Variants in ARL3 observed in about 807,000 individuals in gnomAD.
The protein encoded by ARL3 is ARF like GTPase 3.
ARL3 carries 9 observed loss-of-function variants against 26.0 expected under a neutral mutation model. That is an observed-to-expected ratio of 0.35 (90% CI 0.21 to 0.60). The LOEUF (loss-of-function observed/expected upper bound fraction) is 0.60. ARL3 is among the 20% of genes least tolerant of loss of function. ARL3 has a pLI of 0.78. For synonymous variants in ARL3, 71 were observed against 78.4 expected, an observed-to-expected ratio of 0.91 and a Z score of 0.50; for missense variants, 158 against 215.7, an observed-to-expected ratio of 0.73 and a Z score of 1.67.
intron 5 of ARL3, among the ~76,000 whole-genome samples, chr10:102,680,837 C>A (rs1258631763): frequency 1.3e-5 from 2 of 152,070 alleles, no homozygotes; most frequent in Non-Finnish European, 2.9e-5. Flanking sequence ...CCATCAGGCC[C>A]CCAGGGTCAA....
chr10:102,706,227 G>A (rs536991368), intron 1 of ARL3, among the ~76,000 whole-genome samples: 1 of 152,184 alleles, frequency 6.6e-6, no homozygotes, highest in East Asian at 1.9e-4. Flanking sequence ...CAAGGTGGGC[G>A]GATCACGAGG....
At chr10:102,713,870 G>A (rs529728487) in intron 1 of ARL3, among the ~76,000 whole-genome samples, 1 of 152,382 alleles carries the variant, frequency 6.6e-6, no homozygotes, top group Non-Finnish European at 1.5e-5. Flanking sequence ...CCGGGCTCCA[G>A]ACGAACCCCA....
rs1554864095 is a variant in ARL3, at chr10:102,708,908, AT to A, written c.4-3420del. On this transcript the variant is annotated intron_variant, in intron 1 of 5. Coordinates refer to ENST00000260746, the MANE Select transcript of ARL3 (RefSeq NM_004311.4). ...ATATTATATATATATATATATATAT[AT>A]TTTTTTTTTTTTTGAGACAAGGTCT... is the stretch of plus-strand genomic sequence containing the variant. 3.1e-4 allele frequency among the ~76,000 whole-genome samples: 30 copies of A among 95,324 alleles called. 1 individual carries two copies. The highest frequency in any genetic ancestry group is 1.0e-3 in the African/African-American group (24 of 23,834). The allele number at this position is 95,324 out of a possible 152,430, so 62.5% of individuals were successfully genotyped here. A position where few individuals can be genotyped will look rare whatever the true frequency, so the allele number is the denominator to read the frequency against.
intron 5 of ARL3, among the ~76,000 whole-genome samples, chr10:102,680,396 T>A (rs1001421982): frequency 2.0e-5 from 3 of 152,146 alleles, no homozygotes; most frequent in African/African-American, 7.2e-5. Flanking sequence ...TTGAATTGAT[T>A]AGCTTCAATT....
At position 102,686,466 on chromosome 10, in the gene ARL3, C is replaced by CTT. The variant is rs549382825; in HGVS notation, c.316-467_316-466dup. 3.9e-4 allele frequency among the ~76,000 whole-genome samples: 48 copies of CTT among 124,024 alleles called. 1 individual carries two copies. Among genetic ancestry groups the CTT allele is most frequent in the African/African-American group, 1.2e-3 (41 of 33,454 alleles). 81.4% of individuals were successfully genotyped at this position (124,024 alleles called of 152,430 possible). On this transcript the variant is annotated intron_variant, in intron 4 of 5. Coordinates refer to ENST00000260746, the MANE Select transcript of ARL3 (RefSeq NM_004311.4). ...GATTCTCAAACTTTTTTTTTTCTTT[C>CTT]TTTTTTTTTTTTTTTGAGACAGGGT...
rs1037309721 is a variant in ARL3, at chr10:102,676,080, T to C, written c.*814A>G. 2 of 152,560 alleles carry C rather than the reference T, an allele frequency of 1.3e-5. No individual in the cohort carries two copies. Among genetic ancestry groups the C allele is most frequent in the Non-Finnish European group, 2.9e-5 (2 of 68,032 alleles). 9.5% of individuals were successfully genotyped at this position (152,560 alleles called of 1,614,324 possible). A position where few individuals can be genotyped will look rare whatever the true frequency, so the allele number is the denominator to read the frequency against. On this transcript the variant is annotated 3_prime_UTR_variant, in exon 6 of 6. Coordinates refer to ENST00000260746, the MANE Select transcript of ARL3 (RefSeq NM_004311.4). ...TGTTTACGCTAGCCTGAGCCCTCGA[T>C]GTGAGAGCTTTTTAAGGACCTTGTA...
chr10:102,710,999 A>G (rs961755827), intron 1 of ARL3, among the ~76,000 whole-genome samples: 4 of 152,236 alleles, frequency 2.6e-5, no homozygotes, highest in Non-Finnish European at 5.9e-5. Context: ...TGTGAGGACC[A>G]GCTAAAATTT....
chr10:102,703,203 T>C (rs2136007200), intron 2 of ARL3, among the ~76,000 whole-genome samples: 1 of 140,268 alleles, frequency 7.1e-6, no homozygotes, highest in East Asian at 2.5e-4. Context: ...CTCACTGTAA[T>C]CTCCGCCTCC....
chr10:102,702,063 T>C (rs1460088150), intron 2 of ARL3, among the ~76,000 whole-genome samples: 1 of 149,422 alleles, frequency 6.7e-6, no homozygotes, highest in African/African-American at 2.5e-5. Flanking sequence ...TGGTGGCACA[T>C]GCCTGCAGTC....
At chr10:102,708,907 TA>T (rs199833456) in intron 1 of ARL3, among the ~76,000 whole-genome samples, 179 of 105,760 alleles carry the variant, frequency 1.7e-3, no homozygotes, top group East Asian at 2.7e-3. Flanking sequence ...TATATATATA[TA>T]TTTTTTTTTT....
intron 3 of ARL3, among the ~76,000 whole-genome samples, chr10:102,692,607 G>A (rs2064224545): frequency 6.6e-6 from 1 of 152,152 alleles, no homozygotes; most frequent in Non-Finnish European, 1.5e-5. Context: ...GCAGAGATGG[G>A]GTTTCGCCAT....
intron 3 of ARL3, among the ~76,000 whole-genome samples, chr10:102,691,245 T>C (rs1199959959): frequency 6.6e-6 from 1 of 150,708 alleles, no homozygotes; most frequent in Non-Finnish European, 1.5e-5. Flanking sequence ...TAGCATTAGG[T>C]ATATCTCCCA....
intron 4 of ARL3, among the ~76,000 whole-genome samples, chr10:102,689,191 G>T (rs940785343): frequency 1.3e-5 from 2 of 152,158 alleles, no homozygotes; most frequent in Admixed American, 6.5e-5. Flanking sequence ...CGGGCGTGGT[G>T]GCGCACGCCT....
In ARL3 at chr10:102,694,179, T is replaced by C. The variant is rs532037999; in HGVS notation, c.265-4236A>G. Among the ~76,000 whole-genome samples the C allele has an allele frequency of 1.1e-4, 17 of 150,748 alleles. No homozygotes were observed. The East Asian group carries it at 1.8e-3, about 16-fold the overall frequency. ...ATTTTTTTTGTATTTTTTGTAGAGA[T>C]GGGGTTTCACCGTGTTAGCCAGGAT... is the stretch of plus-strand genomic sequence containing the variant. On this transcript the variant is annotated intron_variant, in intron 3 of 5. Transcript: ENST00000260746.
At chr10:102,708,908 A>ATATATATATATATATT in intron 1 of ARL3, among the ~76,000 whole-genome samples, 139 of 95,242 alleles carry the variant, frequency 1.5e-3, no homozygotes, top group African/African-American at 2.6e-3. Context: ...ATATATATAT[A>ATATATATATATATATT]TTTTTTTTTT....
intron 4 of ARL3, among the ~76,000 whole-genome samples, chr10:102,687,383 T>C (rs1490864418): frequency 1.3e-5 from 2 of 151,370 alleles, no homozygotes; most frequent in African/African-American, 4.9e-5. Flanking sequence ...CCTCAGGTGA[T>C]TGCCACCATG....
intron 1 of ARL3, among the ~76,000 whole-genome samples, chr10:102,707,375 T>G (rs749925506): frequency 6.1e-4 from 93 of 151,948 alleles, no homozygotes; most frequent in Middle Eastern, 3.4e-3. Flanking sequence ...GTTAAGAACA[T>G]AAGAACATCT....
At chr10:102,700,408 C>CAAAAAAAAAAAAAAAAAAA (rs56041064) in intron 2 of ARL3, among the ~76,000 whole-genome samples, 1 of 89,478 alleles carries the variant, frequency 1.1e-5, no homozygotes, top group African/African-American at 4.5e-5. Context: ...GATTCCATCT[C>CAAAAAAAAAAAAAAAAAAA]AAAAAAAAAA....
Position 102,676,603 on chromosome 10 carries a change from G to T in ARL3, c.*291C>A, listed in dbSNP as rs1054030329. ...TGTCTAAACTGCAATGCAATCTCTT[G>T]CTCATTTAAAAGATCTCATTTTCTA... On this transcript the variant is annotated 3_prime_UTR_variant, in exon 6 of 6. Coordinates refer to ENST00000260746, the MANE Select transcript of ARL3 (RefSeq NM_004311.4). 9 of 236,008 alleles carry T rather than the reference G, an allele frequency of 3.8e-5. No individual in the cohort carries two copies. Among genetic ancestry groups the T allele is most frequent in the Non-Finnish European group, 6.5e-5 (8 of 123,156 alleles). 14.6% of individuals were successfully genotyped at this position (236,008 alleles called of 1,614,324 possible).
Sources: allele counts gnomAD v4.1 joint callset (sites outside exome capture counted in the v4.1 genomes callset), GRCh38; gene constraint gnomAD v4.1.1; transcripts MANE v1.5; gene names NCBI Gene and HGNC (gene_info 2026-07-23, HGNC 2026-07-21).